Variants in HPCA observed in about 807,000 individuals in gnomAD.
The protein encoded by HPCA is hippocalcin.
HPCA carries 4 observed loss-of-function variants against 18.2 expected under a neutral mutation model. The ratio of observed to expected loss-of-function variants is 0.22; its 90% confidence interval spans 0.11 to 0.50. HPCA has a LOEUF of 0.50. Among genes scored for constraint, HPCA ranks in the 20% least tolerant of loss-of-function variants. HPCA has a pLI of 0.97. For missense variants in HPCA, 161 were observed against 265.8 expected, an observed-to-expected ratio of 0.61 and a Z score of 2.74; for synonymous variants, 93 against 103.5, an observed-to-expected ratio of 0.90 and a Z score of 0.61.
rs371851892 is a variant in HPCA, at chr1:32,893,629, G to A, written c.484G>A (p.Gly162Ser). ...IFRQMDTNND[G>S]KLSLEEFIRG... ...CCGCCAAATGGACACAAACAACGAC[G>A]GTGAGGGGCAGGGGCGGGACGGGGT... The change falls in exon 3 of 4, where the codon GGC becomes AGC. Residue 162 changes from glycine (G) to serine (S), a missense_variant and splice_region_variant. Physicochemically the swap from Gly to Ser is moderately conservative, Grantham distance 56. Coordinates refer to ENST00000373467, the MANE Select transcript of HPCA (RefSeq NM_002143.3). The surrounding 1 kb of genome is among the most constrained non-coding windows in gnomAD (Gnocchi z 7.5). 6.2e-7 allele frequency: 1 copy of A among 1,611,396 alleles called. No homozygotes were observed. Among genetic ancestry groups the A allele is most frequent in the Non-Finnish European group, 8.5e-7 (1 of 1,177,586 alleles).
At position 32,889,403 on chromosome 1, in the gene HPCA, TA is replaced by T; in HGVS notation, c.378+132del. ...AGGGGATATTCTTGCAATCCCATTT[TA>T]AAAATTGTTTTTAGGAAATATTTCC... On this transcript the variant is annotated intron_variant, in intron 2 of 3. Coordinates refer to ENST00000373467, the MANE Select transcript of HPCA (RefSeq NM_002143.3). This position sits in a 1 kb window ranked among gnomAD's most constrained non-coding sequence, Gnocchi z 4.6. 9.1e-7 allele frequency: 1 copy of T among 1,103,052 alleles called. No individual in the cohort carries two copies. 68.3% of individuals were successfully genotyped at this position (1,103,052 alleles called of 1,614,324 possible). A position where few individuals can be genotyped will look rare whatever the true frequency, so the allele number is the denominator to read the frequency against.
Position 32,889,292 on chromosome 1 carries a change from C to T in HPCA, c.378+16C>T. On this transcript the variant is annotated intron_variant, in intron 2 of 3. Coordinates refer to ENST00000373467, the MANE Select transcript of HPCA (RefSeq NM_002143.3). This position sits in a 1 kb window ranked among gnomAD's most constrained non-coding sequence, Gnocchi z 4.6. ...GATCGTGCAGGTGGGCCCCTGGGCC[C>T]CTCAGAATGCCAGGCACAGGGCCCG... The T allele has an allele frequency of 6.3e-7, 1 of 1,598,052 alleles. No individual in the cohort carries two copies. Among genetic ancestry groups the T allele is most frequent in the Non-Finnish European group, 8.5e-7 (1 of 1,170,372 alleles).
Position 32,888,887 on chromosome 1 carries a change from G to A in HPCA, c.-12G>A. On this transcript the variant is annotated 5_prime_UTR_variant, in exon 2 of 4. Coordinates refer to ENST00000373467, the MANE Select transcript of HPCA (RefSeq NM_002143.3). ...CCCCTTGGGGACCCAGGTGGGACTTGGCTCGGCGGCCATGGGCAAGCAGAA... is the reference window on the plus strand; with the variant it reads ...CCCCTTGGGGACCCAGGTGGGACTTAGCTCGGCGGCCATGGGCAAGCAGAA... The A allele has an allele frequency of 6.2e-7, 1 of 1,600,032 alleles. No homozygotes were observed. The highest frequency in any genetic ancestry group is 8.5e-7 in the Non-Finnish European group (1 of 1,172,868).
In HPCA at chr1:32,894,609, T is replaced by C. The variant is rs1641537508; in HGVS notation, c.*747T>C. 2 of 692,542 alleles carry C rather than the reference T, an allele frequency of 2.9e-6. No homozygotes were observed. The highest frequency in any genetic ancestry group is 3.6e-5 in the African/African-American group (2 of 56,022). The allele number at this position is 692,542 out of a possible 1,614,324, so 42.9% of individuals were successfully genotyped here. A position where few individuals can be genotyped will look rare whatever the true frequency, so the allele number is the denominator to read the frequency against. On this transcript the variant is annotated 3_prime_UTR_variant, in exon 4 of 4. Coordinates refer to ENST00000373467, the MANE Select transcript of HPCA (RefSeq NM_002143.3). ...GCAGCCAAATGGAGCATCTCTGTTC[T>C]TTTTAATAATTTCAGAATAAAGTCT...
At chr1:32,886,293 G>A (rs1008659702), upstream of HPCA, 1 of 152,090 alleles carries the variant, frequency 6.6e-6, no homozygotes, top group Non-Finnish European at 1.5e-5. The surrounding 1 kb of genome is among the most constrained non-coding windows in gnomAD (Gnocchi z 7.0). Flanking sequence ...GGGGACCGGG[G>A]AACTGAGGGC....
At position 32,888,958 on chromosome 1, in the gene HPCA, A is replaced by T; in HGVS notation, c.60A>T (p.Thr20=). The change falls in exon 2 of 4, where the codon ACA becomes ACT. Residue 20 remains threonine, a synonymous_variant. Coordinates refer to ENST00000373467, the MANE Select transcript of HPCA (RefSeq NM_002143.3). The part of the protein sequence containing the change: ...PEMLQDLREN[T]EFSELELQEW... ...TGTTGCAGGACCTGCGAGAGAACAC[A>T]GAGTTCTCAGAGCTGGAGCTGCAGG... 6.2e-7 allele frequency: 1 copy of T among 1,614,030 alleles called. No homozygotes were observed. Among genetic ancestry groups the T allele is most frequent in the South Asian group, 1.1e-5 (1 of 91,076 alleles).
In HPCA at chr1:32,893,731, C is replaced by G; in HGVS notation, c.485-34C>G. 6.5e-7 allele frequency: 1 copy of G among 1,543,146 alleles called. No individual in the cohort carries two copies. The highest frequency in any genetic ancestry group is 1.4e-5 in the African/African-American group (1 of 73,114). On this transcript the variant is annotated intron_variant, in intron 3 of 3. Coordinates refer to ENST00000373467, the MANE Select transcript of HPCA (RefSeq NM_002143.3). This position sits in a 1 kb window ranked among gnomAD's most constrained non-coding sequence, Gnocchi z 7.5. Reference sequence around the variant, plus strand: ...CCGCCTCCCCTCGCTAGGCTGCCGCCTCCTCCCCCATCACCGCTCCCCTCG... The same window carrying G: ...CCGCCTCCCCTCGCTAGGCTGCCGCGTCCTCCCCCATCACCGCTCCCCTCG...
At chr1:32,892,705 A>G (rs1641470025) in intron 2 of HPCA, among the ~76,000 whole-genome samples, 1 of 152,144 alleles carries the variant, frequency 6.6e-6, no homozygotes, top group African/African-American at 2.4e-5. Context: ...AGGCAGCAGA[A>G]GTTTATGGGA....
chr1:32,893,524 G>C lies in HPCA; in HGVS notation c.379G>C (p.Ala127Pro). 1 of 1,609,078 alleles carries C rather than the reference G, an allele frequency of 6.2e-7. No homozygotes were observed. The highest frequency in any genetic ancestry group is 8.5e-7 in the Non-Finnish European group (1 of 1,175,728). Reference protein sequence around the residue: ...SREEMLEIVQAIYKMVSSVMK... With the variant: ...SREEMLEIVQPIYKMVSSVMK... ...TCCCCGCCTCCCCTCCCGCCCCCAG[G>C]CCATTTACAAGATGGTTTCGTCCGT... Residue 127 changes from alanine to proline, a missense_variant and splice_region_variant, in exon 3 of 4, where the codon GCC (alanine) becomes CCC (proline). Physicochemically the swap from Ala to Pro is conservative, Grantham distance 27 (BLOSUM62 -1). Transcript: ENST00000373467. The surrounding 1 kb of genome is among the most constrained non-coding windows in gnomAD (Gnocchi z 7.5).
upstream of HPCA, chr1:32,886,296 C>G (rs1019641178): frequency 6.6e-6 from 1 of 152,024 alleles, no homozygotes; most frequent in Non-Finnish European, 1.5e-5. This position sits in a 1 kb window ranked among gnomAD's most constrained non-coding sequence, Gnocchi z 7.0. Context: ...GACCGGGGAA[C>G]TGAGGGCGTC....
chr1:32,891,310 T>A (rs991071384), intron 2 of HPCA, among the ~76,000 whole-genome samples: 13 of 152,302 alleles, frequency 8.5e-5, no homozygotes, highest in African/African-American at 3.1e-4. Context: ...AGACAATTAG[T>A]TAGGAGGCCC....
chr1:32,888,748 G>A, intron 1 of HPCA, 130 bp from the exon 2 acceptor site: 1 of 842,542 alleles, frequency 1.2e-6, no homozygotes, highest in Non-Finnish European at 1.9e-6. Flanking sequence ...CCTTGGGCCA[G>A]TTCCTCTCTT....
chr1:32,886,127 TG>T (rs1641358105), upstream of HPCA: 1 of 152,238 alleles, frequency 6.6e-6, no homozygotes, highest in South Asian at 2.1e-4. The surrounding 1 kb of genome is among the most constrained non-coding windows in gnomAD (Gnocchi z 7.0). Flanking sequence ...CAGGTGGGTA[TG>T]GGGAAGGAAG....
chr1:32,892,243 T>G (rs962367521), intron 2 of HPCA, among the ~76,000 whole-genome samples: 1 of 152,108 alleles, frequency 6.6e-6, no homozygotes, highest in African/African-American at 2.4e-5. Context: ...TTGAACTTGG[T>G]ACAGAGGGCA....
Position 32,893,952 on chromosome 1 carries a change from C to T in HPCA, c.*90C>T. 1 of 995,902 alleles carries T rather than the reference C, an allele frequency of 1.0e-6. No homozygotes were observed. Among genetic ancestry groups the T allele is most frequent in the South Asian group, 1.5e-5 (1 of 68,504 alleles). The allele number at this position is 995,902 out of a possible 1,614,324, so 61.7% of individuals were successfully genotyped here. ...CCTTGTGTGTATTCTGGCTGGGGGC[C>T]AGATTGGGGAAGCCCTTCTCCCCGG... On this transcript the variant is annotated 3_prime_UTR_variant, in exon 4 of 4. Coordinates refer to ENST00000373467, the MANE Select transcript of HPCA (RefSeq NM_002143.3). The surrounding 1 kb of genome is among the most constrained non-coding windows in gnomAD (Gnocchi z 7.5).
At position 32,888,972 on chromosome 1, in the gene HPCA, T is replaced by C. The variant is rs753557421; in HGVS notation, c.74T>C (p.Leu25Pro). The change falls in exon 2 of 4, where the codon CTG (leucine) becomes CCG (proline). Residue 25 changes from leucine to proline, a missense_variant. By Grantham distance (98) the Leu-to-Pro change is moderately conservative. Coordinates refer to ENST00000373467, the MANE Select transcript of HPCA (RefSeq NM_002143.3). ...CGAGAGAACACAGAGTTCTCAGAGC[T>C]GGAGCTGCAGGAGTGGTACAAGGGC... ...DLRENTEFSE[L>P]ELQEWYKGFL... The C allele has an allele frequency of 4.6e-5, 75 of 1,613,938 alleles. No homozygotes were observed. Among genetic ancestry groups the C allele is most frequent in the Non-Finnish European group, 6.1e-5 (72 of 1,180,010 alleles).
In HPCA at chr1:32,893,561, C is replaced by T. The variant is rs755388440; in HGVS notation, c.416C>T (p.Pro139Leu). ...ATGGTTTCGTCCGTGATGAAGATGC[C>T]GGAGGACGAGTCGACCCCGGAAAAG... is the stretch of plus-strand genomic sequence containing the variant. ...YKMVSSVMKMPEDESTPEKRT... is the reference protein window; with the variant it reads ...YKMVSSVMKMLEDESTPEKRT... The change falls in exon 3 of 4, where the codon CCG (proline) becomes CTG (leucine). Residue 139 changes from proline to leucine, a missense_variant. By Grantham distance (98) the Pro-to-Leu change is moderately conservative (BLOSUM62 -3). Transcript: ENST00000373467. This position sits in a 1 kb window ranked among gnomAD's most constrained non-coding sequence, Gnocchi z 7.5. 5 of 1,611,320 alleles carry T rather than the reference C, an allele frequency of 3.1e-6. No individual in the cohort carries two copies. The highest frequency in any genetic ancestry group is 1.7e-5 in the Admixed American group (1 of 59,884).
Position 32,893,946 on chromosome 1 carries a change from G to A in HPCA, c.*84G>A. On this transcript the variant is annotated 3_prime_UTR_variant, in exon 4 of 4. Coordinates refer to ENST00000373467, the MANE Select transcript of HPCA (RefSeq NM_002143.3). The surrounding 1 kb of genome is among the most constrained non-coding windows in gnomAD (Gnocchi z 7.5). Reference sequence around the variant, plus strand: ...CCACTCCCTTGTGTGTATTCTGGCTGGGGGCCAGATTGGGGAAGCCCTTCT... The same window carrying A: ...CCACTCCCTTGTGTGTATTCTGGCTAGGGGCCAGATTGGGGAAGCCCTTCT... 1 of 1,049,610 alleles carries A rather than the reference G, an allele frequency of 9.5e-7. No individual in the cohort carries two copies. Among genetic ancestry groups the A allele is most frequent in the Non-Finnish European group, 1.4e-6 (1 of 707,648 alleles). The allele number at this position is 1,049,610 out of a possible 1,614,324, so 65.0% of individuals were successfully genotyped here.
Position 32,894,560 on chromosome 1 carries a change from TCCC to T in HPCA, c.*702_*704del. The T allele has an allele frequency of 2.1e-6, 1 of 482,228 alleles. No individual in the cohort carries two copies. The highest frequency in any genetic ancestry group is 3.7e-6 in the Non-Finnish European group (1 of 271,864). 29.9% of individuals were successfully genotyped at this position (482,228 alleles called of 1,614,324 possible). A position where few individuals can be genotyped will look rare whatever the true frequency, so the allele number is the denominator to read the frequency against. On this transcript the variant is annotated 3_prime_UTR_variant, in exon 4 of 4. Coordinates refer to ENST00000373467, the MANE Select transcript of HPCA (RefSeq NM_002143.3). ...GGCTGAGCCCCTGTCCTCCCCTCTGTCCCCCCAACCGCCCCCCCTGCATGCAGC... is the reference window on the plus strand; with the variant it reads ...GGCTGAGCCCCTGTCCTCCCCTCTGTCCCAACCGCCCCCCCTGCATGCAGC...
Sources: allele counts gnomAD v4.1 joint callset (sites outside exome capture counted in the v4.1 genomes callset), GRCh38; gene constraint gnomAD v4.1.1; non-coding constraint Gnocchi (gnomAD v3.1); transcripts MANE v1.5; gene names NCBI Gene and HGNC (gene_info 2026-07-23, HGNC 2026-07-21).